CSMD1: variants seen among roughly 807,000 people sequenced by gnomAD.
CSMD1 encodes the protein CUB and sushi domain-containing protein 1.
CSMD1 carries 213 observed loss-of-function variants against 417.5 expected under a neutral mutation model. The observed-to-expected ratio is 0.51, with a 90% CI of 0.46 to 0.57. The LOEUF is 0.57. CSMD1 is among the 20% of genes least tolerant of loss of function. CSMD1 has a pLI of 0.00. For missense variants in CSMD1, 6,923 were observed against 4,529.7 expected (o/e 1.53, Z -15.17); for synonymous variants, 2,862 against 1,736.8 (o/e 1.65, Z -16.11).
rs571984359 is a variant in CSMD1, at chr8:4,795,252, C to CTTTTTTTTTTTTTTTTTTTTT, written c.86-157715_86-157695dup. 4.8e-4 allele frequency among the ~76,000 whole-genome samples: 22 copies of CTTTTTTTTTTTTTTTTTTTTT among 46,254 alleles called. 6 individuals carry two copies. The highest frequency in any genetic ancestry group is 1.0e-3 in the Admixed American group (3 of 2,930). 30.3% of individuals were successfully genotyped at this position (46,254 alleles called of 152,430 possible). On this transcript the variant is annotated intron_variant, in intron 1 of 69. Coordinates refer to ENST00000635120, the MANE Select transcript of CSMD1 (RefSeq NM_033225.6). ...ATTTCTAGGTCTGCTGGTGTCATAG[C>CTTTTTTTTTTTTTTTTTTTTT]TTTTTTTTTTTTTTTTTTTTTTTTT...
intron 5 of CSMD1, among the ~76,000 whole-genome samples, chr8:3,975,005 G>C (rs12679008): frequency 6.6e-6 from 1 of 152,112 alleles, no homozygotes; most frequent in Non-Finnish European, 1.5e-5. Context: ...GTTCTTTGCA[G>C]TGAAAATGGA....
intron 5 of CSMD1, among the ~76,000 whole-genome samples, chr8:3,874,013 A>T (rs755968225): frequency 2.6e-5 from 4 of 152,124 alleles, no homozygotes; most frequent in Non-Finnish European, 4.4e-5. Flanking sequence ...CGGCTGTAGA[A>T]CTTCTCTGTC....
At chr8:3,934,004 G>A (rs968201680) in intron 5 of CSMD1, among the ~76,000 whole-genome samples, 2 of 152,058 alleles carry the variant, frequency 1.3e-5, no homozygotes, top group Non-Finnish European at 1.5e-5. Flanking sequence ...GCAAATATTC[G>A]CCTAAGGCCT....
intron 1 of CSMD1, among the ~76,000 whole-genome samples, chr8:4,855,847 A>G (rs1443409841): frequency 6.6e-6 from 1 of 151,182 alleles, no homozygotes; most frequent in Non-Finnish European, 1.5e-5. Flanking sequence ...TCTGCAGGAT[A>G]TTATCCAGGA....
At chr8:4,352,864 G>T (rs559469905) in intron 3 of CSMD1, among the ~76,000 whole-genome samples, 1 of 152,078 alleles carries the variant, frequency 6.6e-6, no homozygotes. Flanking sequence ...TCTTTGTTTT[G>T]TATTGATCGT....
At chr8:4,397,052 T>G (rs552861729) in intron 3 of CSMD1, among the ~76,000 whole-genome samples, 2 of 151,656 alleles carry the variant, frequency 1.3e-5, no homozygotes, top group South Asian at 2.1e-4. Context: ...AAAGAAAAAT[T>G]ATTACCCTTC....
intron 7 of CSMD1, among the ~76,000 whole-genome samples, chr8:3,639,086 C>T (rs1458649305): frequency 6.6e-6 from 1 of 152,120 alleles, no homozygotes; most frequent in South Asian, 2.1e-4. Context: ...TCAACTTCCA[C>T]AAATTGGAAA....
At chr8:3,351,601 A>C (rs79364138) in intron 21 of CSMD1, among the ~76,000 whole-genome samples, 34 of 135,820 alleles carry the variant, frequency 2.5e-4, no homozygotes, top group African/African-American at 1.2e-3. Context: ...TCTGTTTCAA[A>C]AAAAAAAAAA....
chr8:3,082,731 C>G (rs975279126), intron 49 of CSMD1, among the ~76,000 whole-genome samples: 5 of 152,192 alleles, frequency 3.3e-5, no homozygotes, highest in Non-Finnish European at 5.9e-5. Flanking sequence ...TGCCTGTACT[C>G]TTGAATACAA....
At chr8:4,458,785 G>T (rs1016064639) in intron 2 of CSMD1, among the ~76,000 whole-genome samples, 1 of 151,876 alleles carries the variant, frequency 6.6e-6, no homozygotes, top group Non-Finnish European at 1.5e-5. Flanking sequence ...TAACGGTTAG[G>T]AATATTTAAT....
chr8:3,287,120 G>T (rs1803219901), intron 25 of CSMD1, among the ~76,000 whole-genome samples: 1 of 151,708 alleles, frequency 6.6e-6, no homozygotes, highest in Admixed American at 6.6e-5. Context: ...GTTTGTCAAA[G>T]ATCAGATAGT....
chr8:4,217,580 T>G (rs1800759136), intron 3 of CSMD1, among the ~76,000 whole-genome samples: 1 of 151,708 alleles, frequency 6.6e-6, no homozygotes, highest in Non-Finnish European at 1.5e-5. Context: ...GGTGTGAGCT[T>G]GAAGGGAAAC....
rs1368977149 is a variant in CSMD1, at chr8:4,771,239, G to C, written c.86-133681C>G. On this transcript the variant is annotated intron_variant, in intron 1 of 69. Coordinates refer to ENST00000635120, the MANE Select transcript of CSMD1 (RefSeq NM_033225.6). ...ATTTTCAAGAGGCAGAGCTGGATGAGGAAGTCAGTCTACATTCTGTAATTC... is the reference window on the plus strand; with the variant it reads ...ATTTTCAAGAGGCAGAGCTGGATGACGAAGTCAGTCTACATTCTGTAATTC... Among the ~76,000 whole-genome samples the C allele has an allele frequency of 2.0e-5, 3 of 152,292 alleles. No individual in the cohort carries two copies. The East Asian group carries it at 5.8e-4, about 29-fold the overall frequency.
At chr8:3,895,899 G>A (rs1470328152) in intron 5 of CSMD1, among the ~76,000 whole-genome samples, 4 of 152,144 alleles carry the variant, frequency 2.6e-5, no homozygotes, top group Non-Finnish European at 5.9e-5. Flanking sequence ...CTGAAACTCT[G>A]TATGCACACT....
At chr8:3,561,047 C>G (rs1799447325) in intron 10 of CSMD1, among the ~76,000 whole-genome samples, 1 of 152,104 alleles carries the variant, frequency 6.6e-6, no homozygotes, top group South Asian at 2.1e-4. Context: ...AAAAAATGCC[C>G]AGCATCACTA....
chr8:3,389,615 A>G (rs1487552115), intron 17 of CSMD1, among the ~76,000 whole-genome samples: 1 of 47,228 alleles, frequency 2.1e-5, no homozygotes, highest in Non-Finnish European at 4.2e-5. Flanking sequence ...TTATCTTAGA[A>G]TAAGTGAGGA....
intron 3 of CSMD1, among the ~76,000 whole-genome samples, chr8:4,415,901 C>T (rs565886615): frequency 2.0e-5 from 3 of 152,182 alleles, no homozygotes; most frequent in African/African-American, 7.2e-5. Context: ...ATTGCAACTT[C>T]TGTAGATGTA....
intron 7 of CSMD1, among the ~76,000 whole-genome samples, chr8:3,706,648 C>T (rs1270769591): frequency 6.6e-6 from 1 of 152,192 alleles, no homozygotes; most frequent in South Asian, 2.1e-4. Flanking sequence ...GCAGAAAAAT[C>T]TGATGCCCAA....
At chr8:3,456,929 T>G (rs540046638) in intron 12 of CSMD1, among the ~76,000 whole-genome samples, 1 of 152,074 alleles carries the variant, frequency 6.6e-6, no homozygotes, top group African/African-American at 2.4e-5. Flanking sequence ...GCTGGAGCCC[T>G]CCTGCTGCAC....
Sources: allele counts gnomAD v4.1 joint callset (sites outside exome capture counted in the v4.1 genomes callset), GRCh38; gene constraint gnomAD v4.1.1; transcripts MANE v1.5; gene names NCBI Gene and HGNC (gene_info 2026-07-23, HGNC 2026-07-21).